The following DNAH12 variants were observed in gnomAD, a reference collection of about 807,000 sequenced individuals.
The protein encoded by DNAH12 is dynein axonemal heavy chain 12.
Under a neutral mutation model 371.5 loss-of-function variants are expected in DNAH12, and 285 were observed. That is an observed-to-expected ratio of 0.77 (90% CI 0.70 to 0.85). The LOEUF is 0.85. DNAH12 is among the 40% of genes least tolerant of loss of function. The probability of loss-of-function intolerance (pLI) is 0.00; values close to 1 mark genes in which losing one functional copy is unlikely to be tolerated. For missense variants in DNAH12, 3,611 were observed against 3,689.4 expected (o/e 0.98, Z 0.55); for synonymous variants, 1,200 against 1,213.0 (o/e 0.99, Z 0.22).
chr3:57,530,359 G>A, intron 2 of DNAH12: 1 of 477,718 alleles, frequency 2.1e-6, no homozygotes, highest in Non-Finnish European at 3.9e-6. Context: ...TTGCCTTTCT[G>A]GGCCTTGATT....
In DNAH12 at chr3:57,445,311, C is replaced by T; in HGVS notation, c.4288G>A (p.Val1430Ile). The T allele has an allele frequency of 6.4e-7, 1 of 1,551,626 alleles. No individual in the cohort carries two copies. Among genetic ancestry groups the T allele is most frequent in the Non-Finnish European group, 8.7e-7 (1 of 1,146,976 alleles). Residue 1430 changes from valine (V) to isoleucine (I), a missense_variant, in exon 28 of 74, where the codon GTA (valine) becomes ATA (isoleucine). Val to Ile is a conservative substitution (Grantham distance 29). This residue lies in a region of DNAH12 where 2,266 missense variants were observed against 2,236.9 expected (regional missense o/e 1.01). Transcript: ENST00000495027. ...TCTGAGCAAAGCCTATAGGTCATTA[C>T]TATTTTCACAGACAGAGGTCTTGCA... ...LNARPLSVKI[V>I]MTYRLCSEQL... is the part of the protein sequence containing the mutation.
At chr3:57,491,860 G>A (rs2067137874) in intron 11 of DNAH12, among the ~76,000 whole-genome samples, 1 of 151,996 alleles carries the variant, frequency 6.6e-6, no homozygotes, top group Non-Finnish European at 1.5e-5. Context: ...ACAAAAATTA[G>A]CCAGGTGTTG....
At position 57,505,090 on chromosome 3, in the gene DNAH12, G is replaced by A. The variant is rs543309844; in HGVS notation, c.898-886C>T. On this transcript the variant is annotated intron_variant, in intron 8 of 73. Coordinates refer to ENST00000495027, the MANE Select transcript of DNAH12 (RefSeq NM_001366028.2). ...TTTTGTAGAGACAGGGTTTTGTCAC[G>A]TTGCTCATGGCTGGTCTCAAACTCC... Among the ~76,000 whole-genome samples, 72 of 152,068 alleles carry A rather than the reference G, an allele frequency of 4.7e-4. 3 individuals carry two copies. In the South Asian group the frequency reaches 0.014, roughly 30 times the overall value.
At chr3:57,418,245 G>A (rs1024780352) in intron 37 of DNAH12, among the ~76,000 whole-genome samples, 3 of 151,000 alleles carry the variant, frequency 2.0e-5, no homozygotes, top group Non-Finnish European at 4.4e-5. Context: ...CTGACAAATG[G>A]TTCTTGGCAC....
chr3:57,511,966 A>C (rs960761826), intron 4 of DNAH12, among the ~76,000 whole-genome samples: 1 of 152,046 alleles, frequency 6.6e-6, no homozygotes, highest in Non-Finnish European at 1.5e-5. Context: ...AGGAAGAAAA[A>C]CATAGATGAA....
At chr3:57,413,492 C>T (rs902774890) in intron 39 of DNAH12, among the ~76,000 whole-genome samples, 1 of 151,886 alleles carries the variant, frequency 6.6e-6, no homozygotes, top group Non-Finnish European at 1.5e-5. Context: ...ACAAATGTGC[C>T]AATTTGGTGG....
At chr3:57,450,976 G>A (rs935338034) in intron 25 of DNAH12, among the ~76,000 whole-genome samples, 5 of 152,150 alleles carry the variant, frequency 3.3e-5, no homozygotes, top group South Asian at 2.1e-4. Context: ...ACATTAAACG[G>A]GTACAAAAGT....
intron 16 of DNAH12, 116 bp from the exon 17 acceptor site, chr3:57,469,095 G>T: frequency 1.0e-6 from 1 of 989,280 alleles, no homozygotes; most frequent in Non-Finnish European, 1.4e-6. Flanking sequence ...GGCAAGAGCT[G>T]TTAACAGTTT....
At position 57,522,836 on chromosome 3, in the gene DNAH12, T is replaced by G. The variant is rs1469572177; in HGVS notation, c.279+747A>C. Among the ~76,000 whole-genome samples the G allele has an allele frequency of 2.0e-5, 3 of 151,838 alleles. No individual in the cohort carries two copies. In the East Asian group the frequency reaches 5.8e-4, roughly 29 times the overall value. ...CCCCTGTTGCCACTCATGCAGTCAG[T>G]GTCTTTTTTTTTTTTAATCTCTAGC... On this transcript the variant is annotated intron_variant, in intron 4 of 73. Transcript: ENST00000495027.
intron 17 of DNAH12, among the ~76,000 whole-genome samples, chr3:57,465,650 T>G (rs1194344676): frequency 1.3e-5 from 2 of 151,852 alleles, no homozygotes; most frequent in Non-Finnish European, 2.9e-5. Flanking sequence ...ATTAAAAGGG[T>G]TCTGCAAGGC....
Position 57,405,119 on chromosome 3 carries a change from A to G in DNAH12, c.6605T>C (p.Met2202Thr), listed in dbSNP as rs1045270082. ...PVTEEDLRNL[M>T]FGDYMNPDLE... Reference sequence around the variant, plus strand: ...GTCAGGATTCATATAATCACCAAACATGAGATTTCTTAAGTCTTCTTCAGT... The same window carrying G: ...GTCAGGATTCATATAATCACCAAACGTGAGATTTCTTAAGTCTTCTTCAGT... The change falls in exon 42 of 74, where the codon ATG becomes ACG. Residue 2202 changes from methionine (M) to threonine (T), a missense_variant. By Grantham distance (81) the Met-to-Thr change is moderately conservative. Around this residue, in one of 3 missense-constraint regions of DNAH12, gnomAD observed 2,266 missense variants for 2,236.9 expected, o/e 1.01. Coordinates refer to ENST00000495027, the MANE Select transcript of DNAH12 (RefSeq NM_001366028.2). 2.0e-5 allele frequency: 31 copies of G among 1,538,220 alleles called. No homozygotes were observed. Among genetic ancestry groups the G allele is most frequent in the Non-Finnish European group, 2.6e-5 (30 of 1,143,466 alleles).
chr3:57,381,879 T>A lies in DNAH12; in HGVS notation c.7992+383A>T, dbSNP rs952979557. 7.9e-5 allele frequency among the ~76,000 whole-genome samples: 12 copies of A among 151,692 alleles called. No homozygotes were observed. In the East Asian group the frequency reaches 1.5e-3, roughly 20 times the overall value. On this transcript the variant is annotated intron_variant, in intron 50 of 73. Coordinates refer to ENST00000495027, the MANE Select transcript of DNAH12 (RefSeq NM_001366028.2). ...CAACTAGAACCATATATATATATTT[T>A]TTTTTTTAGCTGAAGTCTCACTTTG... is the stretch of plus-strand genomic sequence containing the variant.
At chr3:57,448,335 C>T (rs527768773) in intron 25 of DNAH12, among the ~76,000 whole-genome samples, 63 of 152,004 alleles carry the variant, frequency 4.1e-4, no homozygotes, top group African/African-American at 1.4e-3. Flanking sequence ...CTTAAGGCAG[C>T]ACGTCTGGAC....
intron 43 of DNAH12, among the ~76,000 whole-genome samples, chr3:57,401,020 G>A (rs1450011931): frequency 2.0e-5 from 3 of 152,076 alleles, no homozygotes; most frequent in Admixed American, 2.0e-4. Flanking sequence ...TATCTTTCCT[G>A]ATCACAATGG....
At chr3:57,333,036 C>T (rs942865649) in intron 62 of DNAH12, among the ~76,000 whole-genome samples, 2 of 152,122 alleles carry the variant, frequency 1.3e-5, no homozygotes, top group Non-Finnish European at 1.5e-5. Flanking sequence ...CTGTAGAGGG[C>T]CAGATAAGAA....
Position 57,523,620 on chromosome 3 carries a change from C to G in DNAH12, c.253-11G>C. ...CATTTCACTGGTCATCTGTCAAAAA[C>G]AAACAGGATATAATTAAATCAAGGA... On this transcript the variant is annotated splice_polypyrimidine_tract_variant and intron_variant, in intron 3 of 73. Coordinates refer to ENST00000495027, the MANE Select transcript of DNAH12 (RefSeq NM_001366028.2). 6.4e-7 allele frequency: 1 copy of G among 1,570,100 alleles called. No individual in the cohort carries two copies. Among genetic ancestry groups the G allele is most frequent in the South Asian group, 1.2e-5 (1 of 81,300 alleles).
At chr3:57,358,502 C>T (rs2062850175) in intron 58 of DNAH12, among the ~76,000 whole-genome samples, 1 of 152,050 alleles carries the variant, frequency 6.6e-6, no homozygotes, top group African/African-American at 2.4e-5. Context: ...TCCCTTGTAT[C>T]TTTTTTATTT....
At chr3:57,482,963 C>T (rs577143622) in intron 13 of DNAH12, among the ~76,000 whole-genome samples, 2 of 151,258 alleles carry the variant, frequency 1.3e-5, no homozygotes, top group South Asian at 2.1e-4. Flanking sequence ...AGGAGATATA[C>T]CTATGTTAAA....
In DNAH12 at chr3:57,510,894, A is replaced by C. The variant is rs1170696554; in HGVS notation, c.365T>G (p.Leu122Arg). Reference sequence around the variant, plus strand: ...CCCTTCCTTTAAAGACTCAGGTATCAGCCTTAACATGTGATCCAGCCATTC... The same window carrying C: ...CCCTTCCTTTAAAGACTCAGGTATCCGCCTTAACATGTGATCCAGCCATTC... ...QQEWLDHMLR[L>R]IPESLKEGKE... is the part of the protein sequence containing the mutation. The change falls in exon 5 of 74, where the codon CTG becomes CGG. Residue 122 changes from leucine to arginine, a missense_variant. Leu to Arg is a moderately radical substitution (Grantham distance 102, BLOSUM62 -2). Around this residue, in one of 3 missense-constraint regions of DNAH12, gnomAD observed 1,314 missense variants for 1,398.7 expected, o/e 0.94. Coordinates refer to ENST00000495027, the MANE Select transcript of DNAH12 (RefSeq NM_001366028.2). The C allele has an allele frequency of 6.2e-7, 1 of 1,614,108 alleles. No individual in the cohort carries two copies. The highest frequency in any genetic ancestry group is 2.2e-5 in the East Asian group (1 of 44,884).
Sources: gnomAD v4.1 joint callset for allele counts (sites outside exome capture counted in the v4.1 genomes callset) on GRCh38, gnomAD v4.1.1 for gene constraint, gnomAD v4.1.1 regional missense constraint, MANE v1.5 for transcripts, NCBI Gene and HGNC (gene_info 2026-07-23, HGNC 2026-07-21) for gene names.